The following SNX13 variants were observed in gnomAD, a reference collection of about 807,000 sequenced individuals.
The protein encoded by SNX13 is sorting nexin-13.
In SNX13, 45 loss-of-function variants were observed where a neutral mutation model predicts 133.6. The observed-to-expected ratio is 0.34, with a 90% CI of 0.27 to 0.43. The LOEUF is 0.43. SNX13 is among the 20% of genes least tolerant of loss of function. The probability of loss-of-function intolerance (pLI) is 1.00; values close to 1 mark genes in which losing one functional copy is unlikely to be tolerated. For synonymous variants in SNX13, 414 were observed against 373.9 expected (o/e 1.11, Z -1.24); for missense variants, 1,032 against 1,145.1 (o/e 0.90, Z 1.43).
intron 16 of SNX13, among the ~76,000 whole-genome samples, chr7:17,827,469 G>C (rs981406967): frequency 2.0e-5 from 3 of 151,902 alleles, no homozygotes; most frequent in East Asian, 1.9e-4. Context: ...ATGGCACAAA[G>C]TCACTTAAAT....
At chr7:17,847,375 A>C (rs1467437037) in intron 11 of SNX13, among the ~76,000 whole-genome samples, 1 of 152,098 alleles carries the variant, frequency 6.6e-6, no homozygotes, top group African/African-American at 2.4e-5. Flanking sequence ...CTTGTTGCCC[A>C]GGCTGGAGTG....
intron 14 of SNX13, 49 bp downstream of exon 14, chr7:17,834,712 T>C: frequency 1.6e-6 from 2 of 1,269,244 alleles, no homozygotes; most frequent in Non-Finnish European, 2.2e-6. Flanking sequence ...TACATAAAAG[T>C]ATTTTTTCTC....
At chr7:17,856,705 T>C (rs908695494) in intron 9 of SNX13, among the ~76,000 whole-genome samples, 5 of 146,168 alleles carry the variant, frequency 3.4e-5, no homozygotes, top group Non-Finnish European at 7.4e-5. Context: ...GTTGGGAGGA[T>C]CACATGAGCC....
Position 17,791,285 on chromosome 7 carries a change from C to T in SNX13, c.*2760G>A, listed in dbSNP as rs1783510653. On this transcript the variant is annotated 3_prime_UTR_variant, in exon 26 of 26. Transcript: ENST00000428135. ...TTCTTAATTTTTATAAAAATTGGTA[C>T]ACTTTCTGGTAGCACTTAACTGATT... The T allele has an allele frequency of 6.6e-6, 1 of 151,650 alleles. No individual in the cohort carries two copies. The highest frequency in any genetic ancestry group is 1.9e-4 in the East Asian group (1 of 5,180). 9.4% of individuals were successfully genotyped at this position (151,650 alleles called of 1,614,324 possible). A position where few individuals can be genotyped will look rare whatever the true frequency, so the allele number is the denominator to read the frequency against.
chr7:17,836,385 T>A (rs1253323748), intron 13 of SNX13, among the ~76,000 whole-genome samples: 2 of 151,834 alleles, frequency 1.3e-5, no homozygotes, highest in Non-Finnish European at 2.9e-5. Flanking sequence ...TGGATGTGGG[T>A]GCATGCCTAC....
At chr7:17,907,832 A>G (rs931469507) in intron 1 of SNX13, among the ~76,000 whole-genome samples, 1 of 152,196 alleles carries the variant, frequency 6.6e-6, no homozygotes, top group Non-Finnish European at 1.5e-5. Flanking sequence ...AGCAGAAGAA[A>G]GCTTGCAATT....
chr7:17,900,625 C>T (rs1303157840), intron 1 of SNX13, among the ~76,000 whole-genome samples: 1 of 152,144 alleles, frequency 6.6e-6, no homozygotes, highest in Admixed American at 6.5e-5. Flanking sequence ...TACTGCCTGG[C>T]TACCAACGTT....
At chr7:17,813,812 T>C (rs1372527151) in intron 20 of SNX13, among the ~76,000 whole-genome samples, 2 of 152,018 alleles carry the variant, frequency 1.3e-5, no homozygotes, top group African/African-American at 4.8e-5. Context: ...TCTTGAACTC[T>C]TAGGCCCAAG....
At chr7:17,807,711 G>A (rs999222056) in intron 20 of SNX13, among the ~76,000 whole-genome samples, 5 of 152,170 alleles carry the variant, frequency 3.3e-5, no homozygotes, top group Non-Finnish European at 5.9e-5. Flanking sequence ...CCTCATACAG[G>A]AGAGCTCCAG....
intron 15 of SNX13, chr7:17,831,983 A>G (rs1788542271): frequency 2.0e-6 from 2 of 984,036 alleles, no homozygotes; most frequent in Non-Finnish European, 2.4e-6. Context: ...ATGGTTTCAA[A>G]AAAGGGATAG....
At chr7:17,915,453 G>A (rs2691576) in intron 1 of SNX13, among the ~76,000 whole-genome samples, 61,343 of 151,732 alleles carry the variant, frequency 0.4, 12,806 homozygotes, top group South Asian at 0.6. Context: ...TTGTAAGCCC[G>A]TCAATGATAT....
intron 1 of SNX13, among the ~76,000 whole-genome samples, chr7:17,916,338 C>G (rs1799563193): frequency 6.6e-6 from 1 of 151,906 alleles, no homozygotes; most frequent in Admixed American, 6.6e-5. Flanking sequence ...AAATTGAAAG[C>G]CAAAAAACAT....
In SNX13 at chr7:17,891,579, C is replaced by T. The variant is rs376827844; in HGVS notation, c.285G>A (p.Thr95=). 32 of 1,612,362 alleles carry T rather than the reference C, an allele frequency of 2.0e-5. No individual in the cohort carries two copies. Among genetic ancestry groups the T allele is most frequent in the African/African-American group, 1.6e-4 (12 of 74,866 alleles). Residue 95 remains threonine, a synonymous_variant, in exon 4 of 26, where the codon ACG becomes ACA. Coordinates refer to ENST00000428135, the MANE Select transcript of SNX13 (RefSeq NM_015132.5). The part of the protein sequence containing the change: ...ARTIKIDRRL[T]GANIIDEPLQ... The stretch of plus-strand genomic sequence containing the variant: ...GAGGTTCATCAATTATATTGGCACC[C>T]GTCAATCTTCTATCAATCTTAATAG...
chr7:17,876,960 A>T (rs1163018768), intron 5 of SNX13, among the ~76,000 whole-genome samples: 1 of 151,382 alleles, frequency 6.6e-6, no homozygotes, highest in East Asian at 1.9e-4. Flanking sequence ...GAACCAAAAA[A>T]GTATGCCATA....
intron 25 of SNX13, chr7:17,795,411 G>C (rs1020640139): frequency 6.6e-6 from 1 of 151,558 alleles, no homozygotes; most frequent in Non-Finnish European, 1.5e-5. Context: ...AAATAGGCAA[G>C]GATTATGTAT....
chr7:17,900,173 GTC>G (rs1346917494), intron 1 of SNX13: 1 of 152,368 alleles, frequency 6.6e-6, no homozygotes, highest in South Asian at 2.1e-4. Context: ...AACAGAGTCA[GTC>G]TCTCTGCTGA....
At chr7:17,823,516 T>C (rs1051943791) in intron 17 of SNX13, among the ~76,000 whole-genome samples, 1 of 152,208 alleles carries the variant, frequency 6.6e-6, no homozygotes, top group Non-Finnish European at 1.5e-5. Context: ...CAAACTTTCT[T>C]AAAATTTTTT....
At chr7:17,803,618 T>C in intron 20 of SNX13, 38 bp from the exon 21 acceptor site, 2 of 1,540,372 alleles carry the variant, frequency 1.3e-6, no homozygotes, top group Non-Finnish European at 1.8e-6. Flanking sequence ...GACTTTATTG[T>C]ACCAGAGTTG....
chr7:17,840,217 A>G (rs1789711032), intron 12 of SNX13, among the ~76,000 whole-genome samples: 1 of 152,076 alleles, frequency 6.6e-6, no homozygotes, highest in African/African-American at 2.4e-5. Flanking sequence ...CGTGTATTTC[A>G]GAATTTTTTC....
Sources: allele counts gnomAD v4.1 joint callset (sites outside exome capture counted in the v4.1 genomes callset), GRCh38; gene constraint gnomAD v4.1.1; transcripts MANE v1.5; gene names NCBI Gene and HGNC (gene_info 2026-07-23, HGNC 2026-07-21).